Variants in GRID2 observed in about 807,000 individuals in gnomAD.
GRID2 encodes the protein glutamate receptor ionotropic, delta-2.
GRID2 carries 33 observed loss-of-function variants against 114.8 expected under a neutral mutation model. The observed-to-expected ratio is 0.29, with a 90% CI of 0.22 to 0.38. GRID2 has a LOEUF of 0.38. GRID2 is among the 10% of genes least tolerant of loss of function. The pLI is 1.00. For synonymous variants in GRID2, 505 were observed against 449.9 expected (o/e 1.12, Z -1.55); for missense variants, 1,184 against 1,257.7 (o/e 0.94, Z 0.89).
chr4:92,681,425 G>T (rs1306921529), intron 2 of GRID2, among the ~76,000 whole-genome samples: 1 of 151,986 alleles, frequency 6.6e-6, no homozygotes, highest in South Asian at 2.1e-4. Flanking sequence ...TTGTCCTTGC[G>T]ATAGTTTGCT....
chr4:93,124,560 C>T (rs545447478), intron 4 of GRID2, among the ~76,000 whole-genome samples: 6 of 152,208 alleles, frequency 3.9e-5, no homozygotes, highest in South Asian at 2.1e-4. Context: ...CACTGGAGTC[C>T]GAACCTATTT....
intron 2 of GRID2, among the ~76,000 whole-genome samples, chr4:93,048,225 A>G (rs1468227232): frequency 6.6e-6 from 1 of 151,978 alleles, no homozygotes; most frequent in Admixed American, 6.6e-5. Context: ...GCCAGTCTCT[A>G]TTGTTCTGAA....
intron 4 of GRID2, among the ~76,000 whole-genome samples, chr4:93,159,940 A>G (rs879613759): frequency 1.3e-5 from 2 of 151,782 alleles, no homozygotes; most frequent in African/African-American, 2.4e-5. Context: ...AAAAATATAT[A>G]CAGTTTGATC....
chr4:92,996,355 G>A (rs976696516), intron 2 of GRID2, among the ~76,000 whole-genome samples: 1 of 151,632 alleles, frequency 6.6e-6, no homozygotes, highest in South Asian at 2.1e-4. Flanking sequence ...CTACTAAAAG[G>A]TTTTTAATTA....
At chr4:93,555,514 C>A (rs1449700014) in intron 13 of GRID2, among the ~76,000 whole-genome samples, 1 of 152,190 alleles carries the variant, frequency 6.6e-6, no homozygotes, top group Non-Finnish European at 1.5e-5. Flanking sequence ...TGGGCGGAGC[C>A]CACCACAGCT....
chr4:93,619,599 A>G (rs1036631531), intron 13 of GRID2, among the ~76,000 whole-genome samples: 7 of 152,208 alleles, frequency 4.6e-5, no homozygotes, highest in African/African-American at 1.7e-4. Context: ...TCATTATTCA[A>G]GCTTTATTTT....
downstream of GRID2, among the ~76,000 whole-genome samples, chr4:93,778,923 C>T (rs1297182634): frequency 2.0e-5 from 3 of 151,956 alleles, no homozygotes; most frequent in Non-Finnish European, 4.4e-5. Context: ...TGCAGTGCAG[C>T]AATATATACA....
intron 12 of GRID2, among the ~76,000 whole-genome samples, chr4:93,512,578 C>T (rs1015640794): frequency 6.6e-6 from 1 of 151,990 alleles, no homozygotes; most frequent in African/African-American, 2.4e-5. Context: ...TTATTGCAAA[C>T]ATGTCTCAAG....
intron 8 of GRID2, among the ~76,000 whole-genome samples, chr4:93,336,731 G>C (rs1244952941): frequency 1.3e-5 from 2 of 152,136 alleles, no homozygotes; most frequent in Non-Finnish European, 2.9e-5. Flanking sequence ...AAGGGTGATT[G>C]TAAATGACAT....
At chr4:92,400,754 C>G (rs139840465) in intron 1 of GRID2, among the ~76,000 whole-genome samples, 2 of 152,044 alleles carry the variant, frequency 1.3e-5, no homozygotes, top group African/African-American at 4.8e-5. Flanking sequence ...TTTCTCTTTA[C>G]CCTCACAAAC....
At chr4:92,918,716 G>A (rs1749034892) in intron 2 of GRID2, among the ~76,000 whole-genome samples, 1 of 152,128 alleles carries the variant, frequency 6.6e-6, no homozygotes, top group Non-Finnish European at 1.5e-5. Flanking sequence ...GGATCATGGT[G>A]GATAAGCTTT....
intron 1 of GRID2, among the ~76,000 whole-genome samples, chr4:92,442,069 A>G (rs945265446): frequency 1.3e-5 from 2 of 151,152 alleles, no homozygotes; most frequent in African/African-American, 4.8e-5. Flanking sequence ...ACAGTTATGG[A>G]GGCAAGGGAA....
At chr4:92,412,554 TA>T (rs1441350439) in intron 1 of GRID2, among the ~76,000 whole-genome samples, 4 of 152,172 alleles carry the variant, frequency 2.6e-5, no homozygotes, top group Non-Finnish European at 2.9e-5. Flanking sequence ...TCATGTAAAA[TA>T]ATTTTAAAAT....
intron 2 of GRID2, among the ~76,000 whole-genome samples, chr4:92,837,679 G>A (rs1198247467): frequency 6.6e-6 from 1 of 152,026 alleles, no homozygotes; most frequent in Non-Finnish European, 1.5e-5. Flanking sequence ...AATTTGAGAA[G>A]GGGTGTGGCA....
intron 2 of GRID2, among the ~76,000 whole-genome samples, chr4:92,671,609 T>C (rs2149276612): frequency 6.6e-6 from 1 of 152,148 alleles, no homozygotes; most frequent in East Asian, 1.9e-4. Flanking sequence ...GAGTCAAGTA[T>C]AAGAAATAAG....
chr4:93,596,493 C>T (rs946237960), intron 13 of GRID2, among the ~76,000 whole-genome samples: 5 of 151,766 alleles, frequency 3.3e-5, no homozygotes, highest in South Asian at 2.1e-4. Context: ...CAGAAGAATG[C>T]GGTGAACTCG....
chr4:93,566,007 G>A (rs948561768), intron 13 of GRID2, among the ~76,000 whole-genome samples: 2 of 152,148 alleles, frequency 1.3e-5, no homozygotes, highest in South Asian at 2.1e-4. Context: ...AGTGGTGGGG[G>A]ATTTGCTCCA....
At chr4:92,445,981 G>A (rs1733442865) in intron 1 of GRID2, among the ~76,000 whole-genome samples, 1 of 152,122 alleles carries the variant, frequency 6.6e-6, no homozygotes, top group Admixed American at 6.6e-5. Context: ...GTCTCCCTCT[G>A]TAGCCCAGGC....
At chr4:93,761,758 T>C (rs909738629) in intron 14 of GRID2, among the ~76,000 whole-genome samples, 19 of 152,316 alleles carry the variant, frequency 1.2e-4, no homozygotes, top group African/African-American at 4.6e-4. Flanking sequence ...TCCCTTACAC[T>C]ATTTGATATT....
Sources: allele counts gnomAD v4.1 joint callset (sites outside exome capture counted in the v4.1 genomes callset), GRCh38; gene constraint gnomAD v4.1.1; transcripts MANE v1.5; gene names NCBI Gene and HGNC (gene_info 2026-07-23, HGNC 2026-07-21).